The following PSIP1 variants were observed in gnomAD, a reference collection of about 807,000 sequenced individuals.
The protein encoded by PSIP1 is PC4 and SFRS1-interacting protein.
In PSIP1, 19 loss-of-function variants were observed where a neutral mutation model predicts 74.7. The observed-to-expected ratio is 0.25, with a 90% CI of 0.18 to 0.37. The LOEUF is 0.37. PSIP1 is among the 10% of genes least tolerant of loss of function. The pLI, the probability that PSIP1 is intolerant of heterozygous loss-of-function variation, is 1.00. For missense variants in PSIP1, 601 were observed against 614.3 expected (o/e 0.98, Z 0.23); for synonymous variants, 222 against 195.3 (o/e 1.14, Z -1.14).
chr9:15,470,278 G>T (rs2035768557), intron 10 of PSIP1, among the ~76,000 whole-genome samples: 1 of 152,120 alleles, frequency 6.6e-6, no homozygotes, highest in Admixed American at 6.6e-5. Context: ...GCCACAATGG[G>T]AAGATGACAC....
intron 10 of PSIP1, chr9:15,471,869 C>CA (rs1364695396): frequency 3.1e-6 from 3 of 981,416 alleles, no homozygotes; most frequent in Non-Finnish European, 3.6e-6. Flanking sequence ...AAAACAACAA[C>CA]AAAAAAACAA....
chr9:15,486,452 C>G (rs1288171993), intron 5 of PSIP1, among the ~76,000 whole-genome samples: 1 of 152,144 alleles, frequency 6.6e-6, no homozygotes, highest in East Asian at 1.9e-4. Context: ...AATGAGTCAT[C>G]TTTACACACA....
Position 15,469,257 on chromosome 9 carries a change from A to G in PSIP1, c.1104+9T>C, listed in dbSNP as rs760871328. 8 of 1,513,216 alleles carry G rather than the reference A, an allele frequency of 5.3e-6. No homozygotes were observed. The highest frequency in any genetic ancestry group is 1.8e-6 in the Non-Finnish European group (2 of 1,106,306). 93.7% of individuals were successfully genotyped at this position (1,513,216 alleles called of 1,614,324 possible). ...AGTACTGAAGTATTAAATGAAGTTA[A>G]ACACTTACAAGATTATCAATTTTGA... On this transcript the variant is annotated intron_variant, in intron 12 of 15. Coordinates refer to ENST00000380733, the MANE Select transcript of PSIP1 (RefSeq NM_033222.5).
Position 15,465,338 on chromosome 9 carries a change from T to TA in PSIP1, c.*181dup, listed in dbSNP as rs2035543111. The TA allele has an allele frequency of 1.2e-5, 7 of 562,274 alleles. No homozygotes were observed. The South Asian group carries it at 1.8e-4, about 14-fold the overall frequency. The allele number at this position is 562,274 out of a possible 1,614,324, so 34.8% of individuals were successfully genotyped here. A position where few individuals can be genotyped will look rare whatever the true frequency, so the allele number is the denominator to read the frequency against. ...ATTTACTGTATAATGTAGCTGTTAA[T>TA]ACTGCACAAGTACACTTAGCGATAA... On this transcript the variant is annotated 3_prime_UTR_variant, in exon 16 of 16. Coordinates refer to ENST00000380733, the MANE Select transcript of PSIP1 (RefSeq NM_033222.5).
chr9:15,500,471 C>CAA (rs142387253), intron 3 of PSIP1, among the ~76,000 whole-genome samples: 3 of 136,144 alleles, frequency 2.2e-5, no homozygotes, highest in African/African-American at 8.0e-5. Context: ...ACTCTGTCTC[C>CAA]AAAAAAAAAA....
At chr9:15,498,490 A>C (rs920994903) in intron 3 of PSIP1, among the ~76,000 whole-genome samples, 1 of 151,922 alleles carries the variant, frequency 6.6e-6, no homozygotes, top group African/African-American at 2.4e-5. Flanking sequence ...AGACTCAAAA[A>C]TGACAGCAGA....
intron 8 of PSIP1, 65 bp from the exon 9 acceptor site, chr9:15,474,302 A>T: frequency 7.3e-7 from 1 of 1,368,552 alleles, no homozygotes; most frequent in Non-Finnish European, 1.0e-6. Flanking sequence ...AGATATCAGT[A>T]AGCTATAATT....
chr9:15,510,279 T>G lies in PSIP1; in HGVS notation c.-91A>C. On this transcript the variant is annotated 5_prime_UTR_variant, in exon 2 of 16. Transcript: ENST00000380733. ...TGCGGGCGGCGGACGCGGGCCCAGC[T>G]ACCGGGCCCGCGGGCGGGGGAGGAT... The G allele has an allele frequency of 9.3e-7, 1 of 1,073,838 alleles. No homozygotes were observed. Among genetic ancestry groups the G allele is most frequent in the Non-Finnish European group, 1.3e-6 (1 of 770,898 alleles). 66.5% of individuals were successfully genotyped at this position (1,073,838 alleles called of 1,614,324 possible). A position where few individuals can be genotyped will look rare whatever the true frequency, so the allele number is the denominator to read the frequency against.
At chr9:15,504,149 G>T (rs1396228990) in intron 3 of PSIP1, among the ~76,000 whole-genome samples, 1 of 152,054 alleles carries the variant, frequency 6.6e-6, no homozygotes, top group African/African-American at 2.4e-5. Flanking sequence ...GAACACTAAG[G>T]CAAAAACCAA....
chr9:15,469,255 TA>T lies in PSIP1; in HGVS notation c.1104+10del. On this transcript the variant is annotated intron_variant, in intron 12 of 15. Coordinates refer to ENST00000380733, the MANE Select transcript of PSIP1 (RefSeq NM_033222.5). ...GCAGTACTGAAGTATTAAATGAAGTTAAACACTTACAAGATTATCAATTTTG... is the reference window on the plus strand; with the variant it reads ...GCAGTACTGAAGTATTAAATGAAGTTAACACTTACAAGATTATCAATTTTG... The T allele has an allele frequency of 6.6e-7, 1 of 1,509,732 alleles. No homozygotes were observed. Among genetic ancestry groups the T allele is most frequent in the Non-Finnish European group, 9.1e-7 (1 of 1,103,122 alleles). 93.5% of individuals were successfully genotyped at this position (1,509,732 alleles called of 1,614,324 possible).
intron 3 of PSIP1, among the ~76,000 whole-genome samples, chr9:15,492,459 C>T (rs963270804): frequency 5.9e-5 from 9 of 152,214 alleles, no homozygotes; most frequent in African/African-American, 2.2e-4. Flanking sequence ...CCTTAAAAAG[C>T]TCTGCCCCTA....
At chr9:15,484,010 C>G (rs1214786355) in intron 6 of PSIP1, among the ~76,000 whole-genome samples, 2 of 151,128 alleles carry the variant, frequency 1.3e-5, no homozygotes, top group African/African-American at 4.9e-5. Context: ...CGTCTGTAAT[C>G]CCAGCTACTC....
At chr9:15,480,155 T>G (rs1000969550) in intron 6 of PSIP1, among the ~76,000 whole-genome samples, 1 of 152,216 alleles carries the variant, frequency 6.6e-6, no homozygotes, top group Non-Finnish European at 1.5e-5. Flanking sequence ...CTAATGCCCT[T>G]TGATAACTGC....
In PSIP1 at chr9:15,471,303, A is replaced by C. The variant is rs776686185; in HGVS notation, c.978-1310T>G. The C allele has an allele frequency of 1.9e-6, 3 of 1,570,472 alleles. No individual in the cohort carries two copies. The East Asian group carries it at 6.7e-5, about 35-fold the overall frequency. Reference sequence around the variant, plus strand: ...ACAAGCTGCATCTGAAATGCTTTACAGAGCAAAACTGTCCAAGTACAAAGT... The same window carrying C: ...ACAAGCTGCATCTGAAATGCTTTACCGAGCAAAACTGTCCAAGTACAAAGT... On this transcript the variant is annotated intron_variant, in intron 10 of 15. Coordinates refer to ENST00000380733, the MANE Select transcript of PSIP1 (RefSeq NM_033222.5).
intron 6 of PSIP1, among the ~76,000 whole-genome samples, chr9:15,481,982 T>G (rs1050313342): frequency 6.6e-6 from 1 of 152,198 alleles, no homozygotes; most frequent in Non-Finnish European, 1.5e-5. Context: ...TTAAACATCT[T>G]AAATGCTAAT....
chr9:15,483,586 G>C (rs12345276), intron 6 of PSIP1, among the ~76,000 whole-genome samples: 1 of 152,042 alleles, frequency 6.6e-6, no homozygotes, highest in Admixed American at 6.6e-5. Context: ...AAAAATGTAA[G>C]TTCAATGGAA....
chr9:15,479,747 C>A lies in PSIP1; in HGVS notation c.457-60G>T, dbSNP rs538405023. 4.7e-4 allele frequency: 624 copies of A among 1,338,814 alleles called. 15 individuals are homozygous for A. In the South Asian group the frequency reaches 6.2e-3, roughly 13 times the overall value. The allele number at this position is 1,338,814 out of a possible 1,614,324, so 82.9% of individuals were successfully genotyped here. A position where few individuals can be genotyped will look rare whatever the true frequency, so the allele number is the denominator to read the frequency against. On this transcript the variant is annotated intron_variant, in intron 6 of 15. Transcript: ENST00000380733. ...AATAGTAGGCACTCAAAGTTTAATTCGATGGCAAAAATATGCCAGTCTATG... is the reference window on the plus strand; with the variant it reads ...AATAGTAGGCACTCAAAGTTTAATTAGATGGCAAAAATATGCCAGTCTATG...
Position 15,464,260 on chromosome 9 carries a change from GA to G in PSIP1, c.*1259del. On this transcript the variant is annotated 3_prime_UTR_variant, in exon 16 of 16. Coordinates refer to ENST00000380733, the MANE Select transcript of PSIP1 (RefSeq NM_033222.5). ...AAAGCAAAAATGCAATTCTGTAGAT[GA>G]AAACAGTTATCTCAGAGGGTCAACC... 1 of 193,568 alleles carries G rather than the reference GA, an allele frequency of 5.2e-6. No homozygotes were observed. The highest frequency in any genetic ancestry group is 1.1e-5 in the Non-Finnish European group (1 of 92,752). 12.0% of individuals were successfully genotyped at this position (193,568 alleles called of 1,614,324 possible). A position where few individuals can be genotyped will look rare whatever the true frequency, so the allele number is the denominator to read the frequency against.
In PSIP1 at chr9:15,479,955, T is replaced by C. The variant is rs116436650; in HGVS notation, c.457-268A>G. Among the ~76,000 whole-genome samples the C allele has an allele frequency of 5.0e-3, 756 of 152,326 alleles. 3 individuals carry two copies. Among genetic ancestry groups the C allele is most frequent in the African/African-American group, 0.018 (743 of 41,588 alleles). ...TAAAGCTAATATTCTTGATGCGATA[T>C]GGAGAACAAAGTATGTGATTACACT... On this transcript the variant is annotated intron_variant, in intron 6 of 15. Transcript: ENST00000380733.
Sources: allele counts gnomAD v4.1 joint callset (sites outside exome capture counted in the v4.1 genomes callset), GRCh38; gene constraint gnomAD v4.1.1; transcripts MANE v1.5; gene names NCBI Gene and HGNC (gene_info 2026-07-23, HGNC 2026-07-21).